TFG: variants seen among roughly 807,000 people sequenced by gnomAD.
The protein encoded by TFG is trafficking from ER to golgi regulator.
Under a neutral mutation model 51.4 loss-of-function variants are expected in TFG, and 22 were observed. The ratio of observed to expected loss-of-function variants is 0.43; its 90% CI spans 0.31 to 0.61. TFG has a LOEUF of 0.61. Among genes scored for constraint, TFG ranks in the 20% least tolerant of loss-of-function variants. TFG has a pLI of 0.12. For synonymous variants in TFG, 187 were observed against 165.6 expected, an observed-to-expected ratio of 1.13 and a Z score of -0.99; for missense variants, 419 against 487.7, an observed-to-expected ratio of 0.86 and a Z score of 1.33.
intron 6 of TFG, 34 bp downstream of exon 6, chr3:100,736,750 G>C: frequency 6.2e-7 from 1 of 1,600,652 alleles, no homozygotes; most frequent in East Asian, 2.3e-5. Flanking sequence ...GTTTGGGAAA[G>C]TACATGTGTA....
At chr3:100,719,906 G>A in intron 2 of TFG, 69 bp from the exon 3 acceptor site, 1 of 951,524 alleles carries the variant, frequency 1.1e-6, no homozygotes, top group Non-Finnish European at 1.6e-6. Flanking sequence ...ATTTTTACTA[G>A]TTTACTGCTT....
At chr3:100,737,294 T>C (rs1215287252) in intron 6 of TFG, among the ~76,000 whole-genome samples, 1 of 152,260 alleles carries the variant, frequency 6.6e-6, no homozygotes, top group African/African-American at 2.4e-5. Flanking sequence ...GTTTTGATAT[T>C]CTTTCACTGT....
chr3:100,714,770 A>G (rs2095041042), intron 2 of TFG, among the ~76,000 whole-genome samples: 1 of 152,240 alleles, frequency 6.6e-6, no homozygotes, highest in Admixed American at 6.5e-5. Flanking sequence ...GAGTTTTCAG[A>G]TTATGTAATA....
intron 2 of TFG, among the ~76,000 whole-genome samples, chr3:100,717,880 G>T (rs2095050549): frequency 6.6e-6 from 1 of 151,802 alleles, no homozygotes; most frequent in African/African-American, 2.4e-5. Context: ...TTTTTCTCTT[G>T]CATAATTGCT....
intron 1 of TFG, among the ~76,000 whole-genome samples, chr3:100,711,753 C>A (rs1045184602): frequency 6.6e-6 from 1 of 152,188 alleles, no homozygotes; most frequent in Non-Finnish European, 1.5e-5. Context: ...GAGAAGGTAA[C>A]AAATACATTG....
intron 6 of TFG, chr3:100,743,280 A>G (rs1559722855): frequency 6.6e-6 from 1 of 152,112 alleles, no homozygotes; most frequent in Non-Finnish European, 1.5e-5. Flanking sequence ...TGTGGAGTTA[A>G]GCCTTCTAAT....
At chr3:100,712,392 G>C (rs1277362947) in intron 1 of TFG, among the ~76,000 whole-genome samples, 1 of 152,200 alleles carries the variant, frequency 6.6e-6, no homozygotes, top group Non-Finnish European at 1.5e-5. Context: ...AGATTTAAGA[G>C]GAGGAAGCAG....
chr3:100,715,323 CAG>C (rs1430430821), intron 2 of TFG, among the ~76,000 whole-genome samples: 1 of 152,190 alleles, frequency 6.6e-6, no homozygotes, highest in Non-Finnish European at 1.5e-5. Context: ...TGAGTGAAGA[CAG>C]AGTATGAAGA....
chr3:100,713,819 G>A lies in TFG; in HGVS notation c.134G>A (p.Arg45Lys). The A allele has an allele frequency of 1.9e-6, 3 of 1,584,956 alleles. No homozygotes were observed. Among genetic ancestry groups the A allele is most frequent in the Non-Finnish European group, 8.6e-7 (1 of 1,160,786 alleles). ...ELVLMMQRVF[R>K]GKLLSNDEVT... ...GTGCTAATGATGCAACGAGTTTTCAGAGGAAAACTTCTGAGTAATGATGAA... is the reference window on the plus strand; with the variant it reads ...GTGCTAATGATGCAACGAGTTTTCAAAGGAAAACTTCTGAGTAATGATGAA... Residue 45 changes from arginine to lysine, a missense_variant, in exon 2 of 8, where the codon AGA becomes AAA. Arg to Lys is a conservative substitution (Grantham distance 26, BLOSUM62 2). This residue lies in a region of TFG where 391 missense variants were observed against 434.4 expected (regional missense o/e 0.90). Transcript: ENST00000240851.
At position 100,713,753 on chromosome 3, in the gene TFG, G is replaced by A. The variant is rs774808090; in HGVS notation, c.68G>A (p.Arg23Gln). The change falls in exon 2 of 8, where the codon CGA (arginine) becomes CAA (glutamine). Residue 23 changes from arginine (R) to glutamine (Q), a missense_variant. By Grantham distance (43) the Arg-to-Gln change is conservative. This residue lies in a region of TFG where 22 missense variants were observed against 27.5 expected (regional missense o/e 0.80). Transcript: ENST00000240851. ...IKAQLGEDIR[R>Q]IPIHNEDITY... Reference sequence around the variant, plus strand: ...GCTCAACTTGGGGAGGATATTCGGCGAATTCCTATTCATAATGAAGATATT... The same window carrying A: ...GCTCAACTTGGGGAGGATATTCGGCAAATTCCTATTCATAATGAAGATATT... 27 of 1,610,546 alleles carry A rather than the reference G, an allele frequency of 1.7e-5. 1 individual carries two copies. Among genetic ancestry groups the A allele is most frequent in the Middle Eastern group, 1.6e-4 (1 of 6,066 alleles).
chr3:100,727,851 T>C (rs2095080233), intron 3 of TFG, among the ~76,000 whole-genome samples: 1 of 152,226 alleles, frequency 6.6e-6, no homozygotes, highest in Non-Finnish European at 1.5e-5. Flanking sequence ...TTAAAATTTT[T>C]TGAGACAAGG....
intron 1 of TFG, among the ~76,000 whole-genome samples, chr3:100,711,288 A>T (rs2095030702): frequency 6.6e-6 from 1 of 152,116 alleles, no homozygotes; most frequent in Admixed American, 6.5e-5. Flanking sequence ...TTTTTAGTAG[A>T]GACAGGGTTT....
intron 6 of TFG, among the ~76,000 whole-genome samples, chr3:100,739,205 G>T (rs572585416): frequency 6.6e-6 from 1 of 152,228 alleles, no homozygotes; most frequent in Admixed American, 6.5e-5. Context: ...AACATAAAAT[G>T]TATTACTTAT....
intron 4 of TFG, among the ~76,000 whole-genome samples, chr3:100,729,135 T>C (rs985863567): frequency 2.6e-5 from 4 of 152,212 alleles, no homozygotes; most frequent in African/African-American, 9.7e-5. Context: ...GGTGATTCTT[T>C]CGCAACTAGT....
At chr3:100,721,011 TG>T (rs1321877886) in intron 3 of TFG, among the ~76,000 whole-genome samples, 103 of 152,344 alleles carry the variant, frequency 6.8e-4, no homozygotes, top group African/African-American at 2.1e-3. Context: ...TGATTTAATT[TG>T]TATCTATTTC....
chr3:100,728,679 C>G (rs778390629), intron 3 of TFG, 33 bp from the exon 4 acceptor site: 1 of 1,541,572 alleles, frequency 6.5e-7, no homozygotes, highest in Admixed American at 2.1e-5. Flanking sequence ...TCATGAACTT[C>G]TAATTTTAAG....
chr3:100,725,360 T>A (rs1182592668), intron 3 of TFG, among the ~76,000 whole-genome samples: 2 of 152,118 alleles, frequency 1.3e-5, no homozygotes, highest in African/African-American at 2.4e-5. Flanking sequence ...CAAGATTGTT[T>A]TGGATGAAAC....
In TFG at chr3:100,717,685, T is replaced by A. The variant is rs1389530954; in HGVS notation, c.185-2290T>A. ...GGTTAATGGGATTGCATTTTTTATT[T>A]TTTATTGTATGTGTATAGAAACACT... On this transcript the variant is annotated intron_variant, in intron 2 of 7. Transcript: ENST00000240851. Among the ~76,000 whole-genome samples the A allele has an allele frequency of 5.0e-4, 76 of 151,984 alleles. 1 individual carries two copies. The highest frequency in any genetic ancestry group is 4.4e-5 in the Non-Finnish European group (3 of 67,996).
In TFG at chr3:100,720,347, A is replaced by G. The variant is rs9833043; in HGVS notation, c.268+289A>G. Reference sequence around the variant, plus strand: ...AGTATTATAGTTTTAATTTAGCTGTATTAGAATTTTTAAATTGTAATTATC... The same window carrying G: ...AGTATTATAGTTTTAATTTAGCTGTGTTAGAATTTTTAAATTGTAATTATC... On this transcript the variant is annotated intron_variant, in intron 3 of 7. Transcript: ENST00000240851. Among the ~76,000 whole-genome samples, 4,529 of 152,250 alleles carry G rather than the reference A, an allele frequency of 0.03. 183 individuals are homozygous for G. The highest frequency in any genetic ancestry group is 0.092 in the African/African-American group (3,821 of 41,522).
Sources: gnomAD v4.1 joint callset for allele counts (sites outside exome capture counted in the v4.1 genomes callset) on GRCh38, gnomAD v4.1.1 for gene constraint, gnomAD v4.1.1 regional missense constraint, MANE v1.5 for transcripts, NCBI Gene and HGNC (gene_info 2026-07-23, HGNC 2026-07-21) for gene names.